TXNL4B: variants seen among roughly 807,000 people sequenced by gnomAD.
TXNL4B encodes thioredoxin-like protein 4B.
A neutral mutation model predicts 13.0 loss-of-function variants in TXNL4B; 12 were observed. The ratio of observed to expected loss-of-function variants is 0.92; its 90% CI spans 0.59 to 1.49. The LOEUF (loss-of-function observed/expected upper bound fraction) is 1.49. Ranked by LOEUF, TXNL4B falls within the 40% of genes most tolerant of loss-of-function variation. The pLI is 0.00. For missense variants in TXNL4B, 214 were observed against 173.6 expected (o/e 1.23, Z -1.31); for synonymous variants, 59 against 58.9 (o/e 1.00, Z -0.01).
At chr16:72,094,275 T>G (rs893800210), upstream of TXNL4B, 4 of 152,784 alleles carry the variant, frequency 2.6e-5, no homozygotes, top group African/African-American at 9.6e-5. Context: ...GCGGCCTCGC[T>G]GAGATCCAGG....
At chr16:72,089,291 C>T (rs1597429831) in intron 2 of TXNL4B, among the ~76,000 whole-genome samples, 153 bp from the exon 3 acceptor site, 1 of 152,206 alleles carries the variant, frequency 6.6e-6, no homozygotes, top group African/African-American at 2.4e-5. Context: ...AAAGCATAAC[C>T]CCATCCTCCA....
At chr16:72,087,245 T>A (rs1008217786) in intron 3 of TXNL4B, 3 of 154,026 alleles carry the variant, frequency 1.9e-5, no homozygotes, top group African/African-American at 7.2e-5. Context: ...ACACCAGGTA[T>A]GTTACTGTAA....
At position 72,089,059 on chromosome 16, in the gene TXNL4B, T is replaced by C. The variant is rs200080843; in HGVS notation, c.212A>G (p.Gln71Arg). 1.7e-5 allele frequency: 28 copies of C among 1,611,650 alleles called. No homozygotes were observed. In the South Asian group the frequency reaches 2.1e-4, roughly 12 times the overall value. Residue 71 changes from glutamine (Q) to arginine (R), a missense_variant, in exon 3 of 4, where the codon CAG (glutamine) becomes CGG (arginine). Gln to Arg is a conservative substitution (Grantham distance 43). Transcript: ENST00000268483. Reference sequence around the variant, plus strand: ...TGGAATATAACTGATGTCAAAATACTGTGTATAAACTGCAGTTTGGTCCAC... The same window carrying C: ...TGGAATATAACTGATGTCAAAATACCGTGTATAAACTGCAGTTTGGTCCAC... ...VDVDQTAVYT[Q>R]YFDISYIPST...
At chr16:72,091,469 C>T (rs1028295124) in intron 1 of TXNL4B, among the ~76,000 whole-genome samples, 2 of 152,186 alleles carry the variant, frequency 1.3e-5, no homozygotes, top group Non-Finnish European at 2.9e-5. Flanking sequence ...TGTCCCAGAG[C>T]AGTCTAGAGG....
intron 3 of TXNL4B, 120 bp from the exon 4 acceptor site, chr16:72,086,922 C>T (rs1394948675): frequency 4.1e-5 from 31 of 755,976 alleles, no homozygotes; most frequent in Non-Finnish European, 5.8e-5. Flanking sequence ...AATGAGACTT[C>T]AGAAATAAAG....
In TXNL4B at chr16:72,086,401, A is replaced by C; in HGVS notation, c.*236T>G. The C allele has an allele frequency of 2.6e-6, 1 of 377,516 alleles. No individual in the cohort carries two copies. 23.4% of individuals were successfully genotyped at this position (377,516 alleles called of 1,614,324 possible). Reference sequence around the variant, plus strand: ...AGTTACAAAAATCACTGTGGGGAAAATGAACACCAATGACTTGGCTGCTCT... The same window carrying C: ...AGTTACAAAAATCACTGTGGGGAAACTGAACACCAATGACTTGGCTGCTCT... On this transcript the variant is annotated 3_prime_UTR_variant, in exon 4 of 4. Transcript: ENST00000268483.
At chr16:72,091,718 C>T (rs3764311) in intron 1 of TXNL4B, among the ~76,000 whole-genome samples, 1 of 152,132 alleles carries the variant, frequency 6.6e-6, no homozygotes, top group Admixed American at 6.5e-5. Context: ...AAAGATTCTT[C>T]GTGTGCACCT....
At position 72,093,595 on chromosome 16, in the gene TXNL4B, G is replaced by T. The variant is rs1030349959; in HGVS notation, c.-266C>A. The T allele has an allele frequency of 2.6e-5, 4 of 152,282 alleles. No homozygotes were observed. Among genetic ancestry groups the T allele is most frequent in the Non-Finnish European group, 4.4e-5 (3 of 68,090 alleles). 9.4% of individuals were successfully genotyped at this position (152,282 alleles called of 1,614,324 possible). On this transcript the variant is annotated 5_prime_UTR_variant, in exon 1 of 4. Transcript: ENST00000268483. ...AAAAGAAACTCCTGGCCGTCGGTCG[G>T]CCCCCGCTCAACAGCCCAATAAACG...
chr16:72,091,362 C>A (rs1044014261), intron 1 of TXNL4B, among the ~76,000 whole-genome samples: 2 of 150,714 alleles, frequency 1.3e-5, no homozygotes, highest in Non-Finnish European at 2.9e-5. Flanking sequence ...GTGTTGCAGC[C>A]ACTCTCCTCC....
In TXNL4B at chr16:72,093,469, C is replaced by A. The variant is rs895242634; in HGVS notation, c.-140G>T. On this transcript the variant is annotated 5_prime_UTR_variant, in exon 1 of 4. Coordinates refer to ENST00000268483, the MANE Select transcript of TXNL4B (RefSeq NM_017853.3). ...ACAGCTCCTTTCATCAGCCCCAAGC[C>A]GGACAGGACCCTAAGACCAAGTCAC... The A allele has an allele frequency of 1.3e-5, 2 of 152,264 alleles. No homozygotes were observed. The highest frequency in any genetic ancestry group is 2.9e-5 in the Non-Finnish European group (2 of 68,084). 9.4% of individuals were successfully genotyped at this position (152,264 alleles called of 1,614,324 possible).
chr16:72,093,031 T>A (rs2041939037), intron 1 of TXNL4B, among the ~76,000 whole-genome samples: 1 of 152,168 alleles, frequency 6.6e-6, no homozygotes, highest in South Asian at 2.1e-4. Context: ...AGGCGGGGTT[T>A]CGCTATGTTG....
At chr16:72,089,654 T>A (rs1056842163) in intron 2 of TXNL4B, among the ~76,000 whole-genome samples, 1 of 152,224 alleles carries the variant, frequency 6.6e-6, no homozygotes, top group African/African-American at 2.4e-5. Flanking sequence ...CTTAGAAATA[T>A]GTTATGTGGA....
intron 3 of TXNL4B, among the ~76,000 whole-genome samples, chr16:72,087,010 G>A (rs931633252): frequency 6.6e-6 from 1 of 152,176 alleles, no homozygotes; most frequent in African/African-American, 2.4e-5. Flanking sequence ...TAGCATGAAA[G>A]CTCTGTCATG....
rs1260761456 is a variant in TXNL4B at position 72,090,798 on chromosome 16, G to C, written c.-37-12C>G. On this transcript the variant is annotated splice_polypyrimidine_tract_variant and intron_variant, in intron 1 of 3. Coordinates refer to ENST00000268483, the MANE Select transcript of TXNL4B (RefSeq NM_017853.3). ...CCTCACTGTCACTCCTGAAATAAAG[G>C]TGCAATGTTTAAAGACAGTTTAGAT... The C allele has an allele frequency of 1.2e-6, 2 of 1,610,516 alleles. No individual in the cohort carries two copies. Among genetic ancestry groups the C allele is most frequent in the Admixed American group, 3.4e-5 (2 of 59,622 alleles).
intron 1 of TXNL4B, among the ~76,000 whole-genome samples, chr16:72,092,267 G>T (rs1021399463): frequency 2.6e-5 from 4 of 152,088 alleles, no homozygotes; most frequent in Non-Finnish European, 4.4e-5. Flanking sequence ...AAAATTAGCC[G>T]GGCGTGGTGG....
Position 72,089,135 on chromosome 16 carries a change from A to G in TXNL4B, c.136T>C (p.Ser46Pro). The change falls in exon 3 of 4, where the codon TCT becomes CCT. Residue 46 changes from serine to proline, a missense_variant. Coordinates refer to ENST00000268483, the MANE Select transcript of TXNL4B (RefSeq NM_017853.3). ...TTACTTAAGTCAGAAGAGGTCTTAG[A>G]AAGCTGCAAATGACGAGAGAGACAA... Reference protein sequence around the residue: ...PVCLQLDDILSKTSSDLSKMA... With the variant: ...PVCLQLDDILPKTSSDLSKMA... The G allele has an allele frequency of 6.2e-7, 1 of 1,607,350 alleles. No individual in the cohort carries two copies. The highest frequency in any genetic ancestry group is 2.2e-5 in the East Asian group (1 of 44,798).
At chr16:72,087,366 G>GTGTGTGTGTGTGTGTGTA (rs367849815) in intron 3 of TXNL4B, 1 of 149,790 alleles carries the variant, frequency 6.7e-6, no homozygotes, top group South Asian at 2.1e-4. Flanking sequence ...GTGTGTGTGT[G>GTGTGTGTGTGTGTGTGTA]TGTATGTGCA....
At chr16:72,090,298 T>C in intron 2 of TXNL4B, 2 of 470,086 alleles carry the variant, frequency 4.3e-6, no homozygotes, top group Non-Finnish European at 8.4e-6. Flanking sequence ...TACTGGGAAA[T>C]GGGGCTACTA....
chr16:72,091,842 G>A (rs764529406), intron 1 of TXNL4B, among the ~76,000 whole-genome samples: 8 of 152,112 alleles, frequency 5.3e-5, no homozygotes, highest in Non-Finnish European at 1.0e-4. Flanking sequence ...ATACAACCCC[G>A]TCATTTTACA....
Sources: allele counts gnomAD v4.1 joint callset (sites outside exome capture counted in the v4.1 genomes callset), GRCh38; gene constraint gnomAD v4.1.1; transcripts MANE v1.5; gene names NCBI Gene and HGNC (gene_info 2026-07-23, HGNC 2026-07-21).